Variants in RASAL2 observed in about 807,000 individuals in gnomAD.
The protein encoded by RASAL2 is ras GTPase-activating protein nGAP.
Under a neutral mutation model 128.9 loss-of-function variants are expected in RASAL2, and 58 were observed. The observed-to-expected ratio is 0.45, with a 90% CI of 0.36 to 0.56. The LOEUF (loss-of-function observed/expected upper bound fraction) is 0.56. Ranked by LOEUF, RASAL2 falls within the 20% of genes least tolerant of loss-of-function variation. RASAL2 has a pLI of 0.00. For synonymous variants in RASAL2, 561 were observed against 580.8 expected, an observed-to-expected ratio of 0.97 and a Z score of 0.49; for missense variants, 1,360 against 1,601.6, an observed-to-expected ratio of 0.85 and a Z score of 2.57.
At position 178,146,903 on chromosome 1, in the gene RASAL2, G is replaced by A. The variant is rs1660747629; in HGVS notation, c.202+52209G>A. On this transcript the variant is annotated intron_variant, in intron 1 of 17. Coordinates refer to ENST00000367649, the MANE Select transcript of RASAL2 (RefSeq NM_170692.4). ...AGGTGTATGTCAGGCTAACCTGCAG[G>A]TGGAGATGTCTATATAAAGGGTTGG... Among the ~76,000 whole-genome samples, 5 of 152,330 alleles carry A rather than the reference G, an allele frequency of 3.3e-5. No homozygotes were observed. The South Asian group carries it at 1.0e-3, about 32-fold the overall frequency.
intron 3 of RASAL2, among the ~76,000 whole-genome samples, chr1:178,323,998 G>T (rs1364611979): frequency 6.6e-6 from 1 of 152,196 alleles, no homozygotes; most frequent in African/African-American, 2.4e-5. Context: ...CAGTGACTGT[G>T]CTGGGTAGTG....
intron 1 of RASAL2, among the ~76,000 whole-genome samples, chr1:178,156,682 C>T (rs890687550): frequency 2.0e-5 from 3 of 152,136 alleles, no homozygotes; most frequent in African/African-American, 4.8e-5. Context: ...AGACATTTAA[C>T]GTGACCTGTT....
At chr1:178,414,875 A>T (rs1674652725) in intron 4 of RASAL2, among the ~76,000 whole-genome samples, 1 of 152,116 alleles carries the variant, frequency 6.6e-6, no homozygotes, top group African/African-American at 2.4e-5. Flanking sequence ...CACCTAGATT[A>T]TCAAATCCCT....
At chr1:178,309,052 G>A (rs539530849) in intron 3 of RASAL2, among the ~76,000 whole-genome samples, 2 of 152,050 alleles carry the variant, frequency 1.3e-5, no homozygotes, top group African/African-American at 4.8e-5. Flanking sequence ...TCTGTGTATG[G>A]TAGTACTCAA....
chr1:178,189,264 A>G (rs1237358726), intron 1 of RASAL2, among the ~76,000 whole-genome samples: 1 of 152,190 alleles, frequency 6.6e-6, no homozygotes, highest in Non-Finnish European at 1.5e-5. Context: ...ATAAAAATTG[A>G]TTGTCATGTG....
At chr1:178,134,362 G>A (rs903406045) in intron 1 of RASAL2, among the ~76,000 whole-genome samples, 2 of 151,710 alleles carry the variant, frequency 1.3e-5, no homozygotes, top group Non-Finnish European at 2.9e-5. Flanking sequence ...GGAAGCTGAG[G>A]TGGGAGGATT....
chr1:178,138,896 A>G (rs1345214764), intron 1 of RASAL2, among the ~76,000 whole-genome samples: 1 of 152,116 alleles, frequency 6.6e-6, no homozygotes, highest in African/African-American at 2.4e-5. Context: ...TATTTTTAAT[A>G]TTAGAAATAT....
chr1:178,180,663 T>TCACACACACACACACA (rs3979280), intron 1 of RASAL2, among the ~76,000 whole-genome samples: 11,269 of 139,030 alleles, frequency 0.081, 547 homozygotes, highest in Middle Eastern at 0.16. Flanking sequence ...CGAGACTGTC[T>TCACACACACACACACA]CACACACACA....
chr1:178,218,766 C>T (rs1663514931), intron 1 of RASAL2, among the ~76,000 whole-genome samples: 1 of 152,202 alleles, frequency 6.6e-6, no homozygotes, highest in Non-Finnish European at 1.5e-5. Context: ...AGAGTGCAGT[C>T]AGAGTAGATT....
intron 9 of RASAL2, among the ~76,000 whole-genome samples, chr1:178,447,705 A>G (rs1677105534): frequency 6.9e-6 from 1 of 143,966 alleles, no homozygotes; most frequent in Non-Finnish European, 1.5e-5. Flanking sequence ...AAAAAAAGCC[A>G]TTGTAATAAG....
intron 3 of RASAL2, among the ~76,000 whole-genome samples, chr1:178,371,616 T>C (rs1398437602): frequency 6.6e-6 from 1 of 152,128 alleles, no homozygotes; most frequent in East Asian, 1.9e-4. Flanking sequence ...CACAGATTTA[T>C]CAACCTGCCT....
At chr1:178,135,120 C>T (rs1407606129) in intron 1 of RASAL2, among the ~76,000 whole-genome samples, 6 of 152,178 alleles carry the variant, frequency 3.9e-5, no homozygotes, top group Non-Finnish European at 7.4e-5. Flanking sequence ...GGCATCCACC[C>T]TACAGTCCTG....
intron 1 of RASAL2, among the ~76,000 whole-genome samples, chr1:178,239,637 G>A (rs1451813320): frequency 2.0e-5 from 3 of 152,114 alleles, no homozygotes; most frequent in East Asian, 1.9e-4. Flanking sequence ...AGTTCAAAGT[G>A]GTTAGACATT....
Position 178,300,128 on chromosome 1 carries a change from T to C in RASAL2, c.457+10T>C, listed in dbSNP as rs753335067. ...GGCGCCACTAAACTGGGTAAGCTAC[T>C]ATGAAAAGGAAATAAATTCCTAGCT... On this transcript the variant is annotated intron_variant, in intron 3 of 17. Transcript: ENST00000367649. 1 of 1,598,376 alleles carries C rather than the reference T, an allele frequency of 6.3e-7. No individual in the cohort carries two copies. Among genetic ancestry groups the C allele is most frequent in the Non-Finnish European group, 8.5e-7 (1 of 1,174,906 alleles).
chr1:178,273,881 T>G (rs1348312400), intron 1 of RASAL2, among the ~76,000 whole-genome samples: 1 of 152,180 alleles, frequency 6.6e-6, no homozygotes, highest in African/African-American at 2.4e-5. Flanking sequence ...AAAGAAAGGT[T>G]TTTCACTGCT....
intron 1 of RASAL2, among the ~76,000 whole-genome samples, chr1:178,211,436 A>C (rs1663254125): frequency 6.6e-6 from 1 of 152,156 alleles, no homozygotes; most frequent in African/African-American, 2.4e-5. Context: ...AAACTTTTTC[A>C]GTAGCTCCTC....
intron 1 of RASAL2, among the ~76,000 whole-genome samples, chr1:178,105,101 C>T (rs1659040286): frequency 6.6e-6 from 1 of 152,100 alleles, no homozygotes. Flanking sequence ...TTATATAATA[C>T]TGTGTTAATG....
chr1:178,476,472 C>T lies in RASAL2; in HGVS notation c.*3233C>T, dbSNP rs531190149. The T allele has an allele frequency of 2.0e-5, 3 of 152,280 alleles. No individual in the cohort carries two copies. In the South Asian group the frequency reaches 6.2e-4, roughly 32 times the overall value. 9.4% of individuals were successfully genotyped at this position (152,280 alleles called of 1,614,324 possible). A position where few individuals can be genotyped will look rare whatever the true frequency, so the allele number is the denominator to read the frequency against. Reference sequence around the variant, plus strand: ...GCACTTACCATGTTCCAAGCACTATCACCAAGGTACTGTTGGGGTTTATGG... The same window carrying T: ...GCACTTACCATGTTCCAAGCACTATTACCAAGGTACTGTTGGGGTTTATGG... On this transcript the variant is annotated 3_prime_UTR_variant, in exon 18 of 18. Coordinates refer to ENST00000367649, the MANE Select transcript of RASAL2 (RefSeq NM_170692.4).
chr1:178,124,526 A>G (rs938917672), intron 1 of RASAL2, among the ~76,000 whole-genome samples: 3 of 152,220 alleles, frequency 2.0e-5, no homozygotes, highest in Non-Finnish European at 4.4e-5. Context: ...CTCTGTAGAT[A>G]AGAGTTTAGT....
Sources: gnomAD v4.1 joint callset for allele counts (sites outside exome capture counted in the v4.1 genomes callset) on GRCh38, gnomAD v4.1.1 for gene constraint, MANE v1.5 for transcripts, NCBI Gene and HGNC (gene_info 2026-07-23, HGNC 2026-07-21) for gene names.